Variants in PPP1R9A observed in about 807,000 individuals in gnomAD.
PPP1R9A encodes neurabin-1.
PPP1R9A carries 59 observed loss-of-function variants against 141.9 expected under a neutral mutation model. That is an observed-to-expected ratio of 0.42 (90% confidence interval 0.34 to 0.52). The LOEUF (loss-of-function observed/expected upper bound fraction) is 0.52, where lower values mean the gene tolerates loss of function less well. Ranked by LOEUF, PPP1R9A falls within the 20% of genes least tolerant of loss-of-function variation. The probability of loss-of-function intolerance (pLI) is 0.10; values close to 1 mark genes in which losing one functional copy is unlikely to be tolerated. For synonymous variants in PPP1R9A, 500 were observed against 569.7 expected, an observed-to-expected ratio of 0.88 and a Z score of 1.74; for missense variants, 1,444 against 1,611.9, an observed-to-expected ratio of 0.90 and a Z score of 1.78.
intron 4 of PPP1R9A, among the ~76,000 whole-genome samples, chr7:95,123,213 TTATA>T (rs2152494245): frequency 6.6e-6 from 1 of 152,342 alleles, no homozygotes; most frequent in African/African-American, 2.4e-5. Flanking sequence ...GTTTCATTAT[TTATA>T]ACTACATTAG....
chr7:94,949,434 G>A (rs1796223994), intron 2 of PPP1R9A, among the ~76,000 whole-genome samples: 1 of 152,104 alleles, frequency 6.6e-6, no homozygotes, highest in African/African-American at 2.4e-5. Flanking sequence ...TATGAAGCAG[G>A]GAATGGGATA....
intron 2 of PPP1R9A, among the ~76,000 whole-genome samples, chr7:95,086,497 C>T (rs1816648996): frequency 6.6e-6 from 1 of 151,956 alleles, no homozygotes. Flanking sequence ...TAGTCTGTTG[C>T]CTTTTTATTG....
intron 16 of PPP1R9A, 47 bp downstream of exon 16, chr7:95,274,215 T>A (rs1410007107): frequency 6.9e-7 from 1 of 1,439,330 alleles, no homozygotes; most frequent in African/African-American, 1.4e-5. Context: ...ACCTAAACTT[T>A]CTGGCCCCCT....
intron 5 of PPP1R9A, among the ~76,000 whole-genome samples, chr7:95,187,786 T>C (rs1333104296): frequency 6.6e-6 from 1 of 152,184 alleles, no homozygotes; most frequent in African/African-American, 2.4e-5. Context: ...GACCAGATTA[T>C]TTTATTTGCC....
At chr7:95,241,224 G>A (rs1257617229) in intron 8 of PPP1R9A, among the ~76,000 whole-genome samples, 2 of 152,184 alleles carry the variant, frequency 1.3e-5, no homozygotes, top group Non-Finnish European at 2.9e-5. Flanking sequence ...AAAGTATGCA[G>A]TGTGCCATGC....
chr7:95,278,013 TAAGG>T (rs1229964337), intron 16 of PPP1R9A, among the ~76,000 whole-genome samples: 5 of 152,090 alleles, frequency 3.3e-5, no homozygotes, highest in African/African-American at 9.7e-5. Context: ...GAGAAAATGA[TAAGG>T]AAAGGAGATG....
At chr7:95,108,562 G>A (rs1446781352) in intron 2 of PPP1R9A, among the ~76,000 whole-genome samples, 1 of 151,344 alleles carries the variant, frequency 6.6e-6, no homozygotes, top group Admixed American at 6.6e-5. Flanking sequence ...TGCCCACCTC[G>A]GCCTCCCAAA....
chr7:94,968,043 C>G (rs909396357), intron 2 of PPP1R9A, among the ~76,000 whole-genome samples: 3 of 152,166 alleles, frequency 2.0e-5, no homozygotes, highest in Admixed American at 1.3e-4. Context: ...GTGTGGGAGT[C>G]TAAATCTCTT....
chr7:94,974,552 C>T (rs1401773872), intron 2 of PPP1R9A, among the ~76,000 whole-genome samples: 1 of 152,150 alleles, frequency 6.6e-6, no homozygotes. Flanking sequence ...AGAGCATGTC[C>T]TTTTCTTCTG....
intron 2 of PPP1R9A, among the ~76,000 whole-genome samples, chr7:95,050,078 A>C (rs1210268428): frequency 6.6e-6 from 1 of 152,202 alleles, no homozygotes; most frequent in African/African-American, 2.4e-5. Flanking sequence ...CAAAATTGCC[A>C]AACTGTCTTC....
intron 16 of PPP1R9A, 41 bp from the exon 17 acceptor site, chr7:95,283,977 C>T (rs1247619533): frequency 6.8e-7 from 1 of 1,467,722 alleles, no homozygotes; most frequent in South Asian, 1.3e-5. Flanking sequence ...CTTTTATCCG[C>T]CCTTTCTTTA....
intron 2 of PPP1R9A, among the ~76,000 whole-genome samples, chr7:94,972,784 G>A (rs854722): frequency 0.53 from 81,024 of 151,964 alleles, 22,188 homozygotes; most frequent in African/African-American, 0.6. Flanking sequence ...TAGGATTTAG[G>A]TGATCTGACT....
At chr7:95,053,090 A>G (rs925065870) in intron 2 of PPP1R9A, among the ~76,000 whole-genome samples, 1 of 152,094 alleles carries the variant, frequency 6.6e-6, no homozygotes, top group Non-Finnish European at 1.5e-5. Flanking sequence ...ATTTCTTTGT[A>G]TTAATAGTAG....
intron 2 of PPP1R9A, among the ~76,000 whole-genome samples, chr7:95,049,027 A>G (rs1332693461): frequency 6.6e-6 from 1 of 150,584 alleles, no homozygotes; most frequent in Non-Finnish European, 1.5e-5. Context: ...AATAAAGCAA[A>G]AGAGAATAAA....
At chr7:95,099,903 A>G (rs1216550949) in intron 2 of PPP1R9A, among the ~76,000 whole-genome samples, 1 of 152,160 alleles carries the variant, frequency 6.6e-6, no homozygotes, top group Non-Finnish European at 1.5e-5. Context: ...TGTCAAAAGC[A>G]AGAGACTTAA....
At chr7:95,181,239 GTATA>G (rs1466717632) in intron 5 of PPP1R9A, among the ~76,000 whole-genome samples, 1 of 140,996 alleles carries the variant, frequency 7.1e-6, no homozygotes, top group African/African-American at 2.6e-5. Context: ...AATATATATA[GTATA>G]TAGAGAATAT....
intron 5 of PPP1R9A, among the ~76,000 whole-genome samples, chr7:95,192,291 T>C (rs1835619935): frequency 6.6e-6 from 1 of 152,038 alleles, no homozygotes; most frequent in Admixed American, 6.6e-5. Flanking sequence ...GTGTGCGTTG[T>C]AATCAATAAG....
At chr7:95,267,516 G>T (rs1235546706) in intron 12 of PPP1R9A, among the ~76,000 whole-genome samples, 1 of 152,022 alleles carries the variant, frequency 6.6e-6, no homozygotes, top group African/African-American at 2.4e-5. Context: ...CAATATCCAG[G>T]TATGTTAATG....
At chr7:95,275,970 A>G (rs1803110052) in intron 16 of PPP1R9A, among the ~76,000 whole-genome samples, 1 of 152,252 alleles carries the variant, frequency 6.6e-6, no homozygotes, top group Admixed American at 6.5e-5. Context: ...GGCTATATGC[A>G]TCTCGAAAGT....
Sources: gnomAD v4.1 joint callset for allele counts (sites outside exome capture counted in the v4.1 genomes callset) on GRCh38, gnomAD v4.1.1 for gene constraint, MANE v1.5 for transcripts, NCBI Gene and HGNC (gene_info 2026-07-23, HGNC 2026-07-21) for gene names.